ITIH5: variants seen among roughly 807,000 people sequenced by gnomAD.
ITIH5 encodes inter-alpha-trypsin inhibitor heavy chain H5.
A neutral mutation model predicts 77.5 loss-of-function variants in ITIH5; 65 were observed. That is an observed-to-expected ratio of 0.84 (90% CI 0.69 to 1.03). The LOEUF is 1.03. Ranked by LOEUF, ITIH5 falls within the 50% of genes least tolerant of loss-of-function variation. The pLI is 0.00. For synonymous variants in ITIH5, 525 were observed against 494.3 expected, an observed-to-expected ratio of 1.06 and a Z score of -0.82; for missense variants, 1,208 against 1,213.1, an observed-to-expected ratio of 1.00 and a Z score of 0.06.
At chr10:7,565,378 GTATA>G (rs1832128483) in intron 13 of ITIH5, among the ~76,000 whole-genome samples, 1 of 147,782 alleles carries the variant, frequency 6.8e-6, no homozygotes, top group African/African-American at 2.5e-5. Context: ...GACTATGTAT[GTATA>G]TATACACACA....
intron 11 of ITIH5, among the ~76,000 whole-genome samples, chr10:7,570,653 C>T (rs1416942447): frequency 2.0e-5 from 3 of 152,138 alleles, no homozygotes; most frequent in Non-Finnish European, 4.4e-5. Flanking sequence ...GACAGGGTCC[C>T]ACTCTGTTGA....
At chr10:7,640,724 T>G (rs2131078855) in intron 4 of ITIH5, 30 bp downstream of exon 4, 1 of 1,495,916 alleles carries the variant, frequency 6.7e-7, no homozygotes, top group South Asian at 1.1e-5. Context: ...CTAAAATGGG[T>G]TTTTAATTCC....
rs1290646751 is a variant in ITIH5, at chr10:7,560,694, AAGG to A, written c.*2386_*2388del. ...ATGACACATTAACTATTGTGATAAC[AAGG>A]AGATTTATCTCCTCTAATTATGACA... On this transcript the variant is annotated 3_prime_UTR_variant, in exon 14 of 14. Transcript: ENST00000397146. 1 of 152,238 alleles carries A rather than the reference AAGG, an allele frequency of 6.6e-6. No individual in the cohort carries two copies. Among genetic ancestry groups the A allele is most frequent in the Non-Finnish European group, 1.5e-5 (1 of 68,024 alleles). 9.4% of individuals were successfully genotyped at this position (152,238 alleles called of 1,614,324 possible).
Position 7,659,156 on chromosome 10 carries a change from C to A in ITIH5, c.91-3481G>T, listed in dbSNP as rs114821074. 6.9e-3 allele frequency among the ~76,000 whole-genome samples: 1,044 copies of A among 152,190 alleles called. 14 individuals carry two copies. The highest frequency in any genetic ancestry group is 0.023 in the African/African-American group (972 of 41,528). On this transcript the variant is annotated intron_variant, in intron 1 of 13. Transcript: ENST00000397146. ...CTCCGGGAGGCTGTGGTGAGTGGAT[C>A]ACCTGAGGTCAAGAGTTCGAAACCA...
At chr10:7,641,149 G>A (rs1467105616) in intron 3 of ITIH5, among the ~76,000 whole-genome samples, 1 of 152,046 alleles carries the variant, frequency 6.6e-6, no homozygotes, top group Non-Finnish European at 1.5e-5. Flanking sequence ...TCTGACCTGG[G>A]CCAAAAATTA....
At chr10:7,582,085 C>T (rs4749031) in intron 8 of ITIH5, among the ~76,000 whole-genome samples, 331 of 151,946 alleles carry the variant, frequency 2.2e-3, no homozygotes, top group Middle Eastern at 3.4e-3. Context: ...CCATGTTGGC[C>T]AGGCTGGTCT....
intron 7 of ITIH5, chr10:7,609,633 A>G (rs1178300217): frequency 5.4e-6 from 2 of 367,684 alleles, no homozygotes; most frequent in Non-Finnish European, 1.1e-5. Flanking sequence ...AATTACAGAT[A>G]AGAAACATGC....
chr10:7,639,841 A>G lies in ITIH5; in HGVS notation c.401+913T>C, dbSNP rs575344012. 1.0e-3 allele frequency among the ~76,000 whole-genome samples: 158 copies of G among 152,338 alleles called. 4 individuals carry two copies. The South Asian group carries it at 0.032, about 31-fold the overall frequency. ...ATTACAAGTCAGAATTAAGATGCTA[A>G]TAACTCAAACAATGATTAGGTAACA... On this transcript the variant is annotated intron_variant, in intron 4 of 13. Coordinates refer to ENST00000397146, the MANE Select transcript of ITIH5 (RefSeq NM_030569.7).
At chr10:7,645,962 C>A (rs1332878226) in intron 2 of ITIH5, among the ~76,000 whole-genome samples, 1 of 152,058 alleles carries the variant, frequency 6.6e-6, no homozygotes, top group Non-Finnish European at 1.5e-5. Flanking sequence ...AAAAAAAGAA[C>A]CCCAAGGTGA....
chr10:7,574,340 G>A (rs959100568), intron 10 of ITIH5, among the ~76,000 whole-genome samples: 9 of 152,244 alleles, frequency 5.9e-5, no homozygotes, highest in Admixed American at 2.6e-4. Context: ...CTTGACCAGC[G>A]TGATCTGGGC....
At chr10:7,644,898 C>A (rs1833981988) in intron 2 of ITIH5, among the ~76,000 whole-genome samples, 1 of 43,184 alleles carries the variant, frequency 2.3e-5, no homozygotes, top group African/African-American at 7.8e-5. Flanking sequence ...ATATATATAT[C>A]ACATATATAT....
rs548339799 is a variant in ITIH5, at chr10:7,665,720, G to C, written c.90+1083C>G. 4.1e-4 allele frequency among the ~76,000 whole-genome samples: 62 copies of C among 152,328 alleles called. 1 individual carries two copies. Among genetic ancestry groups the C allele is most frequent in the African/African-American group, 9.9e-4 (41 of 41,570 alleles). ...TGCCCTGACCAACGAGGACATGAAG[G>C]CTCTGAGAGATTAAAGGGCTTGCCC... On this transcript the variant is annotated intron_variant, in intron 1 of 13. Transcript: ENST00000397146.
chr10:7,594,168 A>C (rs897470432), intron 7 of ITIH5, among the ~76,000 whole-genome samples: 1 of 152,216 alleles, frequency 6.6e-6, no homozygotes, highest in African/African-American at 2.4e-5. Context: ...GCCTGTCCAG[A>C]GGAAAAGGGA....
At chr10:7,604,539 C>T (rs1399586372) in intron 7 of ITIH5, among the ~76,000 whole-genome samples, 4 of 152,188 alleles carry the variant, frequency 2.6e-5, no homozygotes, top group East Asian at 1.9e-4. Context: ...AGATGTGTTT[C>T]GATTCATCTC....
chr10:7,565,230 TAC>T (rs762728631), intron 13 of ITIH5, among the ~76,000 whole-genome samples: 9 of 148,844 alleles, frequency 6.0e-5, no homozygotes, highest in East Asian at 2.0e-4. Flanking sequence ...CATACATATA[TAC>T]ACAGAGTGTA....
In ITIH5 at chr10:7,559,713, G is replaced by C. The variant is rs1271189450; in HGVS notation, c.*3370C>G. The C allele has an allele frequency of 4.7e-6, 2 of 427,694 alleles. No homozygotes were observed. The highest frequency in any genetic ancestry group is 4.2e-5 in the African/African-American group (2 of 48,108). The allele number at this position is 427,694 out of a possible 1,614,324, so 26.5% of individuals were successfully genotyped here. ...ACATTTATTTCTCACAGTTCTGGAG[G>C]CTGGGAGGTCCAAGATCAAGGTGCC... On this transcript the variant is annotated 3_prime_UTR_variant, in exon 14 of 14. Transcript: ENST00000397146.
intron 5 of ITIH5, among the ~76,000 whole-genome samples, chr10:7,624,904 CATAT>C (rs35403005): frequency 0.068 from 7,687 of 112,938 alleles, 382 homozygotes; most frequent in African/African-American, 0.11. Context: ...TATATACATA[CATAT>C]ATATATATAT....
rs777406348 is a variant in ITIH5, at chr10:7,616,027, G to A, written c.894C>T (p.Phe298=). The change falls in exon 7 of 14, where the codon TTC becomes TTT. Residue 298 remains phenylalanine, a synonymous_variant. Transcript: ENST00000397146. ...CCATAGAAGCACTGCTGTCAAGCACGAATACCACATTCTTGGGTAAAGGAG... is the reference window on the plus strand; with the variant it reads ...CCATAGAAGCACTGCTGTCAAGCACAAATACCACATTCTTGGGTAAAGGAG... The part of the protein sequence containing the change: ...DLPPLPKNVV[F]VLDSSASMVG... The A allele has an allele frequency of 6.8e-6, 11 of 1,613,598 alleles. No homozygotes were observed. The highest frequency in any genetic ancestry group is 6.7e-5 in the East Asian group (3 of 44,886).
At position 7,569,664 on chromosome 10, in the gene ITIH5, T is replaced by C; in HGVS notation, c.2149+4A>G. 2.5e-6 allele frequency: 4 copies of C among 1,591,666 alleles called. No homozygotes were observed. Among genetic ancestry groups the C allele is most frequent in the Non-Finnish European group, 3.4e-6 (4 of 1,167,908 alleles). On this transcript the variant is annotated splice_donor_region_variant and intron_variant, in intron 12 of 13. Transcript: ENST00000397146. Reference sequence around the variant, plus strand: ...CAGATGCTGCAGCGGAAGGTAGAACTTACCAGAGTCCCTGTGATCAGAGAC... The same window carrying C: ...CAGATGCTGCAGCGGAAGGTAGAACCTACCAGAGTCCCTGTGATCAGAGAC...
Sources: allele counts gnomAD v4.1 joint callset (sites outside exome capture counted in the v4.1 genomes callset), GRCh38; gene constraint gnomAD v4.1.1; transcripts MANE v1.5; gene names NCBI Gene and HGNC (gene_info 2026-07-23, HGNC 2026-07-21).